Variants in TRHDE observed in about 807,000 individuals in gnomAD.
TRHDE encodes the protein thyrotropin-releasing hormone-degrading ectoenzyme.
A neutral mutation model predicts 125.7 loss-of-function variants in TRHDE; 72 were observed. The observed-to-expected ratio is 0.57, with a 90% confidence interval of 0.47 to 0.70. The LOEUF (loss-of-function observed/expected upper bound fraction) is 0.70. Ranked by LOEUF, TRHDE falls within the 30% of genes least tolerant of loss-of-function variation. The probability of loss-of-function intolerance (pLI) is 0.00; values close to 1 mark genes in which losing one functional copy is unlikely to be tolerated. For missense variants in TRHDE, 1,110 were observed against 1,327.1 expected (o/e 0.84, Z 2.54); for synonymous variants, 509 against 509.1 (o/e 1.00, Z 0.00).
rs570035355 is a variant in TRHDE, at chr12:72,260,027, T to G, written n.280-117968T>G. The stretch of plus-strand genomic sequence containing the variant: ...TTCAACTTAATTAAAATACTGAAAA[T>G]ATTGTAAGATGGCACATACTTTCTA... On this transcript the variant is annotated intron_variant and non_coding_transcript_variant, in intron 2 of 4. Transcript: ENST00000548156. Among the ~76,000 whole-genome samples the G allele has an allele frequency of 1.6e-4, 25 of 152,286 alleles. No individual in the cohort carries two copies. In the South Asian group the frequency reaches 5.0e-3, roughly 30 times the overall value.
chr12:72,383,574 A>G (rs1278814599), intron 3 of TRHDE, among the ~76,000 whole-genome samples: 1 of 151,742 alleles, frequency 6.6e-6, no homozygotes, highest in Non-Finnish European at 1.5e-5. Context: ...ACAGGGTTTC[A>G]CTATGTTGGT....
At chr12:72,112,246 A>G (rs1017373163) in intron 2 of TRHDE, among the ~76,000 whole-genome samples, 1 of 152,164 alleles carries the variant, frequency 6.6e-6, no homozygotes, top group Admixed American at 6.6e-5. Context: ...GCACTGACAT[A>G]AAGCAATATA....
intron 3 of TRHDE, among the ~76,000 whole-genome samples, chr12:72,386,745 T>C (rs1872434838): frequency 6.6e-6 from 1 of 152,192 alleles, no homozygotes; most frequent in South Asian, 2.1e-4. Flanking sequence ...AATTCGATAA[T>C]GCCTCCACAC....
intron 12 of TRHDE, among the ~76,000 whole-genome samples, chr12:72,614,326 A>T (rs865799197): frequency 1.4e-4 from 6 of 41,714 alleles, no homozygotes; most frequent in South Asian, 1.5e-3. Context: ...ATATATATAT[A>T]TATATTTTTT....
intron 1 of TRHDE, among the ~76,000 whole-genome samples, chr12:72,281,260 A>G (rs1209739452): frequency 1.3e-5 from 2 of 152,190 alleles, no homozygotes; most frequent in Non-Finnish European, 2.9e-5. Flanking sequence ...GAAATAGCAG[A>G]GGTTTAATGA....
chr12:72,092,429 C>T (rs969909538), intron 1 of TRHDE, among the ~76,000 whole-genome samples: 1 of 152,196 alleles, frequency 6.6e-6, no homozygotes, highest in African/African-American at 2.4e-5. Flanking sequence ...TTTTCAAACA[C>T]AAGTGGATGG....
At chr12:72,510,447 C>T (rs1163646807) in intron 6 of TRHDE, among the ~76,000 whole-genome samples, 3 of 152,060 alleles carry the variant, frequency 2.0e-5, no homozygotes, top group Non-Finnish European at 4.4e-5. Flanking sequence ...TATTTAATCT[C>T]CCACACTTGT....
At chr12:72,388,968 C>T (rs1565723669) in intron 3 of TRHDE, among the ~76,000 whole-genome samples, 1 of 151,352 alleles carries the variant, frequency 6.6e-6, no homozygotes, top group African/African-American at 2.4e-5. Flanking sequence ...ATTGAATATC[C>T]TTATGTACTA....
chr12:72,520,545 A>T (rs893205968), intron 6 of TRHDE, among the ~76,000 whole-genome samples: 3 of 151,820 alleles, frequency 2.0e-5, no homozygotes, highest in Admixed American at 6.6e-5. Context: ...ACTCTCTGGC[A>T]CTCCCTAGTG....
At chr12:72,093,954 G>A (rs574028410) in intron 1 of TRHDE, among the ~76,000 whole-genome samples, 1 of 152,260 alleles carries the variant, frequency 6.6e-6, no homozygotes, top group African/African-American at 2.4e-5. Flanking sequence ...GTCTTTTCCA[G>A]TTTTACAGAC....
chr12:72,286,553 A>C (rs1256191311), intron 1 of TRHDE, 128 bp from the exon 2 acceptor site: 2 of 839,034 alleles, frequency 2.4e-6, no homozygotes, highest in Non-Finnish European at 3.7e-6. Flanking sequence ...TCATGCACTT[A>C]AGTTTGGTTC....
chr12:72,453,883 G>A (rs1329537942), intron 3 of TRHDE, among the ~76,000 whole-genome samples: 1 of 152,196 alleles, frequency 6.6e-6, no homozygotes, highest in East Asian at 1.9e-4. Flanking sequence ...TGTTAAACCT[G>A]TGGGTGCACA....
intron 6 of TRHDE, among the ~76,000 whole-genome samples, chr12:72,504,379 C>T (rs1318415582): frequency 6.6e-6 from 1 of 151,526 alleles, no homozygotes; most frequent in African/African-American, 2.4e-5. Flanking sequence ...TCTCAGCTCA[C>T]TGTAACCTCT....
intron 6 of TRHDE, among the ~76,000 whole-genome samples, chr12:72,540,668 G>T (rs1490773733): frequency 6.6e-6 from 1 of 151,608 alleles, no homozygotes; most frequent in Admixed American, 6.6e-5. Context: ...TATATAGGAG[G>T]AGAGCTTGTC....
intron 6 of TRHDE, among the ~76,000 whole-genome samples, chr12:72,521,680 A>ATATC (rs1269121828): frequency 2.0e-5 from 3 of 152,194 alleles, no homozygotes; most frequent in Non-Finnish European, 4.4e-5. Context: ...AACCAGCTGA[A>ATATC]TATCTGTGTT....
intron 2 of TRHDE, among the ~76,000 whole-genome samples, chr12:72,367,636 G>A (rs1871393588): frequency 1.3e-5 from 2 of 152,052 alleles, no homozygotes; most frequent in African/African-American, 2.4e-5. Flanking sequence ...GTATCACCCT[G>A]CTGCTTTTTC....
chr12:72,635,278 T>C (rs1271380073), intron 15 of TRHDE, among the ~76,000 whole-genome samples: 8 of 152,202 alleles, frequency 5.3e-5, no homozygotes, highest in African/African-American at 1.9e-4. Flanking sequence ...TTTCATGTGT[T>C]TTTTGGCTGC....
At chr12:72,399,440 T>C (rs1301865078) in intron 3 of TRHDE, among the ~76,000 whole-genome samples, 2 of 152,182 alleles carry the variant, frequency 1.3e-5, no homozygotes, top group Non-Finnish European at 2.9e-5. Context: ...AATTTGCTAA[T>C]ATTTTATTTA....
intron 12 of TRHDE, among the ~76,000 whole-genome samples, chr12:72,586,550 G>T (rs1871447256): frequency 6.6e-6 from 1 of 152,148 alleles, no homozygotes; most frequent in African/African-American, 2.4e-5. Flanking sequence ...AAAGATGTGA[G>T]TACAGGCCAA....
Sources: allele counts gnomAD v4.1 joint callset (sites outside exome capture counted in the v4.1 genomes callset), GRCh38; gene constraint gnomAD v4.1.1; transcripts MANE v1.5; gene names NCBI Gene and HGNC (gene_info 2026-07-23, HGNC 2026-07-21).